The following KPNB1 variants were observed in gnomAD, a reference collection of about 807,000 sequenced individuals.
The protein encoded by KPNB1 is importin subunit beta-1.
Under a neutral mutation model 113.0 loss-of-function variants are expected in KPNB1, and 7 were observed. That is an observed-to-expected ratio of 0.06 (90% CI 0.04 to 0.12). The LOEUF is 0.12. Ranked by LOEUF, KPNB1 falls within the 10% of genes least tolerant of loss-of-function variation. KPNB1 has a pLI of 1.00. For missense variants in KPNB1, 400 were observed against 1,054.8 expected, an observed-to-expected ratio of 0.38 and a Z score of 8.60; for synonymous variants, 363 against 378.6, an observed-to-expected ratio of 0.96 and a Z score of 0.48.
chr17:47,656,796 G>A, intron 3 of KPNB1, 64 bp from the exon 4 acceptor site: 1 of 1,495,822 alleles, frequency 6.7e-7, no homozygotes. Context: ...TAAGTATGGT[G>A]GTGGGCAAAA....
chr17:47,664,038 C>A (rs1249263344), intron 7 of KPNB1, 121 bp from the exon 8 acceptor site: 3 of 626,854 alleles, frequency 4.8e-6, no homozygotes, highest in Non-Finnish European at 5.8e-6. Context: ...TTCTTTCAAG[C>A]CTAGCTTCCT....
At chr17:47,653,035 T>G (rs537424298) in intron 3 of KPNB1, among the ~76,000 whole-genome samples, 159 bp downstream of exon 3, 1 of 152,334 alleles carries the variant, frequency 6.6e-6, no homozygotes, top group South Asian at 2.1e-4. Context: ...TAAATCTTTC[T>G]CAACACAGCT....
intron 12 of KPNB1, among the ~76,000 whole-genome samples, chr17:47,671,174 T>A (rs2030432955): frequency 6.7e-6 from 1 of 149,454 alleles, no homozygotes; most frequent in Non-Finnish European, 1.5e-5. Flanking sequence ...GGGGAATTGC[T>A]TGAACCTGGG....
rs2030826404 is a variant in KPNB1, at chr17:47,682,895, G to GGT, written c.*492_*493dup. ...CACCTTCGCTGTACCTTTGCCACATGGTACTGTATGCTTGCCAGCTAGAAG... is the reference window on the plus strand; with the variant it reads ...CACCTTCGCTGTACCTTTGCCACATGGTGTACTGTATGCTTGCCAGCTAGAAG... On this transcript the variant is annotated 3_prime_UTR_variant, in exon 22 of 22. Transcript: ENST00000290158. 6.1e-6 allele frequency: 1 copy of GGT among 163,506 alleles called. No homozygotes were observed. Among genetic ancestry groups the GGT allele is most frequent in the African/African-American group, 2.4e-5 (1 of 41,472 alleles). The allele number at this position is 163,506 out of a possible 1,614,324, so 10.1% of individuals were successfully genotyped here. A position where few individuals can be genotyped will look rare whatever the true frequency, so the allele number is the denominator to read the frequency against.
chr17:47,650,509 C>G, intron 2 of KPNB1, 65 bp downstream of exon 2: 2 of 1,485,544 alleles, frequency 1.3e-6, no homozygotes, highest in Middle Eastern at 2.3e-4. Flanking sequence ...GGCCTTCCCG[C>G]CCTCCCGGAG....
Position 47,650,190 on chromosome 17 carries a change from C to T in KPNB1, c.-55C>T. 1 of 1,439,206 alleles carries T rather than the reference C, an allele frequency of 6.9e-7. No homozygotes were observed. The allele number at this position is 1,439,206 out of a possible 1,614,324, so 89.2% of individuals were successfully genotyped here. A position where few individuals can be genotyped will look rare whatever the true frequency, so the allele number is the denominator to read the frequency against. ...CCCCCATCCCCAGTTCGAGCCGCCG[C>T]CCGAAAGGCCGGGCCGTCGTCTTAG... On this transcript the variant is annotated 5_prime_UTR_variant, in exon 1 of 22. Coordinates refer to ENST00000290158, the MANE Select transcript of KPNB1 (RefSeq NM_002265.6).
At chr17:47,673,190 T>G (rs1475379624) in intron 13 of KPNB1, 25 bp downstream of exon 13, 1 of 1,611,908 alleles carries the variant, frequency 6.2e-7, no homozygotes, top group African/African-American at 1.3e-5. Flanking sequence ...TGCCCCTGAC[T>G]ATGGGTGGGA....
At chr17:47,660,259 G>A (rs1347119274) in intron 5 of KPNB1, among the ~76,000 whole-genome samples, 1 of 152,158 alleles carries the variant, frequency 6.6e-6, no homozygotes, top group Non-Finnish European at 1.5e-5. Context: ...ATGTCCTCGA[G>A]ATTCATCTAA....
chr17:47,680,768 T>C (rs1334563936), intron 21 of KPNB1, 99 bp downstream of exon 21: 1 of 1,253,402 alleles, frequency 8.0e-7, no homozygotes, highest in Non-Finnish European at 1.1e-6. Context: ...TCTGGCATTT[T>C]TTTTGTTTGT....
At chr17:47,654,415 TAA>T (rs374274253) in intron 3 of KPNB1, among the ~76,000 whole-genome samples, 87 of 119,836 alleles carry the variant, frequency 7.3e-4, no homozygotes, top group African/African-American at 1.8e-3. Context: ...CTCCATTTCT[TAA>T]AAAAAAAAAA....
In KPNB1 at chr17:47,669,663, C is replaced by T. The variant is rs1567892395; in HGVS notation, c.1225-15C>T. The stretch of plus-strand genomic sequence containing the variant: ...AATCTTTGTTTTGCTTTGCTAATAA[C>T]TGTTATATTTTCAGGCTATGCCCAC... On this transcript the variant is annotated splice_polypyrimidine_tract_variant and intron_variant, in intron 10 of 21. Coordinates refer to ENST00000290158, the MANE Select transcript of KPNB1 (RefSeq NM_002265.6). 1.9e-6 allele frequency: 3 copies of T among 1,556,890 alleles called. No homozygotes were observed. The highest frequency in any genetic ancestry group is 2.6e-6 in the Non-Finnish European group (3 of 1,132,392).
intron 9 of KPNB1, 76 bp downstream of exon 9, chr17:47,665,234 A>G: frequency 8.7e-7 from 1 of 1,151,150 alleles, no homozygotes; most frequent in Non-Finnish European, 1.3e-6. Context: ...TTTCCATGGA[A>G]GGAACTTCGC....
intron 14 of KPNB1, chr17:47,673,841 ACTC>A: frequency 2.5e-6 from 1 of 406,298 alleles, no homozygotes; most frequent in East Asian, 4.4e-5. Context: ...TTCAACATAC[ACTC>A]CTCAGACCTC....
In KPNB1 at chr17:47,669,854, T is replaced by C. The variant is rs753839324; in HGVS notation, c.1401T>C (p.Ala467=). The C allele has an allele frequency of 6.2e-7, 1 of 1,605,954 alleles. No individual in the cohort carries two copies. Among genetic ancestry groups the C allele is most frequent in the South Asian group, 1.1e-5 (1 of 90,910 alleles). Residue 467 remains alanine, a synonymous_variant, in exon 11 of 22, where the codon GCT becomes GCC. Transcript: ENST00000290158. Reference sequence around the variant, plus strand: ...GTCTCAGTGCTGAACCCAGAGTGGCTTCAAATGTGTGCTGGGTAAGGGATT... The same window carrying C: ...GTCTCAGTGCTGAACCCAGAGTGGCCTCAAATGTGTGCTGGGTAAGGGATT... ...IEGLSAEPRV[A]SNVCWAFSSL...
intron 21 of KPNB1, among the ~76,000 whole-genome samples, chr17:47,681,241 C>G (rs1845812369): frequency 6.9e-6 from 1 of 145,062 alleles, no homozygotes. Flanking sequence ...GACTAATTTT[C>G]TTTTTTTCTT....
At chr17:47,662,555 G>A (rs1054479816) in intron 6 of KPNB1, among the ~76,000 whole-genome samples, 2 of 149,256 alleles carry the variant, frequency 1.3e-5, no homozygotes, top group African/African-American at 2.5e-5. Context: ...GCACCAGGGC[G>A]ACAGAGCAAG....
chr17:47,680,021 G>A lies in KPNB1; in HGVS notation c.2355G>A (p.Pro785=), dbSNP rs773280749. Residue 785 remains proline (P), a splice_region_variant and synonymous_variant, in exon 20 of 22, where the codon CCG becomes CCA. Coordinates refer to ENST00000290158, the MANE Select transcript of KPNB1 (RefSeq NM_002265.6). ...CAATACCTTCTCTCTCTTTTATAGC[G>A]GATGTGATGCTGGTACAACCCAGAG... ...GLKGDQENVH[P]DVMLVQPRVE... The A allele has an allele frequency of 1.2e-6, 2 of 1,604,854 alleles. No individual in the cohort carries two copies. The highest frequency in any genetic ancestry group is 1.7e-6 in the Non-Finnish European group (2 of 1,171,678).
At chr17:47,656,816 A>G (rs1209538096) in intron 3 of KPNB1, 44 bp from the exon 4 acceptor site, 2 of 1,587,938 alleles carry the variant, frequency 1.3e-6, no homozygotes, top group East Asian at 4.5e-5. Context: ...ATGTGGTCAA[A>G]TAGTGTTAGA....
chr17:47,650,202 G>A lies in KPNB1; in HGVS notation c.-43G>A. 1 of 1,433,804 alleles carries A rather than the reference G, an allele frequency of 7.0e-7. No homozygotes were observed. Among genetic ancestry groups the A allele is most frequent in the South Asian group, 1.2e-5 (1 of 82,268 alleles). The allele number at this position is 1,433,804 out of a possible 1,614,324, so 88.8% of individuals were successfully genotyped here. A position where few individuals can be genotyped will look rare whatever the true frequency, so the allele number is the denominator to read the frequency against. On this transcript the variant is annotated 5_prime_UTR_variant, in exon 1 of 22. Transcript: ENST00000290158. ...GTTCGAGCCGCCGCCCGAAAGGCCG[G>A]GCCGTCGTCTTAGGAGGAGTCGCCG... is the stretch of plus-strand genomic sequence containing the variant.
Sources: gnomAD v4.1 joint callset for allele counts (sites outside exome capture counted in the v4.1 genomes callset) on GRCh38, gnomAD v4.1.1 for gene constraint, MANE v1.5 for transcripts, NCBI Gene and HGNC (gene_info 2026-07-23, HGNC 2026-07-21) for gene names.